The following GRK4 variants were observed in gnomAD, a reference collection of about 807,000 sequenced individuals.
GRK4 encodes G protein-coupled receptor kinase 2-like.
In GRK4, 73 loss-of-function variants were observed where a neutral mutation model predicts 77.9. That is an observed-to-expected ratio of 0.94 (90% CI 0.78 to 1.14). The LOEUF is 1.14. GRK4 is among the 50% of genes most tolerant of loss of function. The probability of loss-of-function intolerance (pLI) is 0.00; values close to 1 mark genes in which losing one functional copy is unlikely to be tolerated. For missense variants in GRK4, 729 were observed against 700.2 expected (o/e 1.04, Z -0.46); for synonymous variants, 257 against 254.4 (o/e 1.01, Z -0.10).
rs187222678 is a variant in GRK4 at position 3,039,604 on chromosome 4, A to G, written c.1684-968A>G. On this transcript the variant is annotated intron_variant, in intron 15 of 15. Transcript: ENST00000398052. The stretch of plus-strand genomic sequence containing the variant: ...TCCCAGCTACCTGGGAGTCTGAGGC[A>G]GGAGAATCGCTTGAACCTGGGAGGC... Among the ~76,000 whole-genome samples, 13 of 150,902 alleles carry G rather than the reference A, an allele frequency of 8.6e-5. No homozygotes were observed. In the East Asian group the frequency reaches 1.8e-3, roughly 21 times the overall value.
chr4:3,016,730 A>G (rs1038525606), intron 8 of GRK4, among the ~76,000 whole-genome samples: 6 of 151,582 alleles, frequency 4.0e-5, no homozygotes, highest in Admixed American at 4.0e-4. Flanking sequence ...AAAAAAATAC[A>G]AAAAAACAAA....
intron 2 of GRK4, 67 bp downstream of exon 2, chr4:2,984,675 T>C: frequency 2.7e-6 from 2 of 747,918 alleles, no homozygotes; most frequent in Non-Finnish European, 4.2e-6. Flanking sequence ...TTAGATGTTA[T>C]TCTTTCTTGA....
At chr4:2,995,680 A>C (rs1450503707) in intron 4 of GRK4, among the ~76,000 whole-genome samples, 1 of 152,092 alleles carries the variant, frequency 6.6e-6, no homozygotes, top group Non-Finnish European at 1.5e-5. Context: ...CTTCTCAAAA[A>C]AAAAAAAGAG....
chr4:2,968,179 T>TA (rs1718368943), intron 1 of GRK4, among the ~76,000 whole-genome samples: 1 of 152,192 alleles, frequency 6.6e-6, no homozygotes, highest in Non-Finnish European at 1.5e-5. Flanking sequence ...TAAATAAGCT[T>TA]AAATTATTTC....
intron 12 of GRK4, among the ~76,000 whole-genome samples, chr4:3,032,542 G>A (rs565155753): frequency 2.0e-4 from 31 of 152,270 alleles, no homozygotes; most frequent in Non-Finnish European, 4.0e-4. Context: ...AAAGGCTCAG[G>A]GGCTTTCAAG....
At chr4:3,028,688 C>G (rs1738291080) in intron 11 of GRK4, among the ~76,000 whole-genome samples, 1 of 152,108 alleles carries the variant, frequency 6.6e-6, no homozygotes, top group African/African-American at 2.4e-5. Flanking sequence ...CATATATCAT[C>G]AAGTCCACCA....
chr4:3,016,963 C>A (rs540398940), intron 8 of GRK4, among the ~76,000 whole-genome samples: 1 of 152,204 alleles, frequency 6.6e-6, no homozygotes, highest in Non-Finnish European at 1.5e-5. Flanking sequence ...GTGTTTACCC[C>A]CTGCTTACAG....
intron 5 of GRK4, among the ~76,000 whole-genome samples, chr4:3,005,823 T>A (rs943728620): frequency 3.2e-4 from 48 of 151,692 alleles, no homozygotes; most frequent in African/African-American, 1.1e-3. Flanking sequence ...AATAAATAAA[T>A]AAAAATAAAA....
chr4:3,038,951 C>T (rs2110105225), intron 15 of GRK4: 1 of 158,916 alleles, frequency 6.3e-6, no homozygotes, highest in East Asian at 1.8e-4. Context: ...TGCGGTGGCT[C>T]ACGCCTGTAA....
chr4:3,039,894 C>T (rs868681735), intron 15 of GRK4, among the ~76,000 whole-genome samples: 2 of 152,050 alleles, frequency 1.3e-5, no homozygotes, highest in African/African-American at 2.4e-5. Flanking sequence ...GTCCCAGTGT[C>T]CACACTTGGA....
intron 3 of GRK4, among the ~76,000 whole-genome samples, chr4:2,989,178 C>A (rs1487165305): frequency 6.6e-6 from 1 of 151,644 alleles, no homozygotes; most frequent in Non-Finnish European, 1.5e-5. Flanking sequence ...AAGACTCCGT[C>A]TCAAAAAAAA....
chr4:2,975,845 T>C (rs1274881156), intron 1 of GRK4, among the ~76,000 whole-genome samples: 2 of 152,222 alleles, frequency 1.3e-5, no homozygotes, highest in Non-Finnish European at 2.9e-5. Flanking sequence ...AGGTGGCCAT[T>C]GGTTTGTACT....
At chr4:2,973,703 G>A (rs1049573487) in intron 1 of GRK4, among the ~76,000 whole-genome samples, 6 of 152,120 alleles carry the variant, frequency 3.9e-5, no homozygotes, top group African/African-American at 9.7e-5. Flanking sequence ...AGCCGTCAGC[G>A]TCTCACCTGG....
Position 3,019,450 on chromosome 4 carries a change from C to T in GRK4, c.742-191C>T, listed in dbSNP as rs527703979. Among the ~76,000 whole-genome samples the T allele has an allele frequency of 2.6e-5, 4 of 152,268 alleles. No homozygotes were observed. The East Asian group carries it at 7.7e-4, about 29-fold the overall frequency. On this transcript the variant is annotated intron_variant, in intron 8 of 15. Coordinates refer to ENST00000398052, the MANE Select transcript of GRK4 (RefSeq NM_182982.3). ...GTTCTCTCTTTTGGCTACACAGCTG[C>T]GGTAAAATCTTCAGCATGCCAAGGT...
rs1738486743 is a variant in GRK4, at chr4:3,029,316, A to G, written c.1176A>G (p.Lys392=). Residue 392 remains lysine (K), a synonymous_variant, in exon 12 of 16, where the codon AAA becomes AAG. Transcript: ENST00000398052. ...CTCCATTCAAAAAATACAAAGAGAA[A>G]GTCAAATGGGAGGAGGTCGATCAAA... ...GHSPFKKYKE[K]VKWEEVDQRI... 3 of 1,614,052 alleles carry G rather than the reference A, an allele frequency of 1.9e-6. No individual in the cohort carries two copies. The highest frequency in any genetic ancestry group is 1.3e-5 in the African/African-American group (1 of 74,948).
intron 10 of GRK4, among the ~76,000 whole-genome samples, chr4:3,027,206 AT>A (rs951640832): frequency 7.2e-5 from 11 of 152,104 alleles, no homozygotes; most frequent in Non-Finnish European, 1.2e-4. Context: ...CACCCAGCTA[AT>A]TTTTTTAAAA....
chr4:2,984,253 A>G (rs1262682676), intron 1 of GRK4, among the ~76,000 whole-genome samples: 1 of 152,156 alleles, frequency 6.6e-6, no homozygotes, highest in African/African-American at 2.4e-5. Flanking sequence ...GTCATGTTAG[A>G]TCTTGTTTAC....
intron 1 of GRK4, among the ~76,000 whole-genome samples, chr4:2,975,351 C>T (rs976814173): frequency 2.6e-5 from 4 of 152,132 alleles, no homozygotes; most frequent in East Asian, 1.9e-4. Context: ...GAGGGCCAGA[C>T]GTGGCTCCTC....
intron 1 of GRK4, chr4:2,966,505 G>C (rs1354042085): frequency 6.6e-6 from 1 of 152,218 alleles, no homozygotes; most frequent in Non-Finnish European, 1.5e-5. Flanking sequence ...CCCATTGAGT[G>C]AGAGTATTTG....
Sources: allele counts gnomAD v4.1 joint callset (sites outside exome capture counted in the v4.1 genomes callset), GRCh38; gene constraint gnomAD v4.1.1; transcripts MANE v1.5; gene names NCBI Gene and HGNC (gene_info 2026-07-23, HGNC 2026-07-21).